NTM: variants seen among roughly 807,000 people sequenced by gnomAD.
The protein encoded by NTM is IgLON family member 2.
Under a neutral mutation model 42.1 loss-of-function variants are expected in NTM, and 13 were observed. The observed-to-expected ratio is 0.31, with a 90% CI of 0.20 to 0.49. NTM has a LOEUF of 0.49. Ranked by LOEUF, NTM falls within the 20% of genes least tolerant of loss-of-function variation. NTM has a pLI of 0.99. For synonymous variants in NTM, 187 were observed against 179.2 expected (o/e 1.04, Z -0.35); for missense variants, 373 against 452.8 (o/e 0.82, Z 1.60).
At chr11:131,384,405 T>C (rs1276186172) in intron 1 of NTM, among the ~76,000 whole-genome samples, 2 of 152,230 alleles carry the variant, frequency 1.3e-5, no homozygotes, top group African/African-American at 4.8e-5. Flanking sequence ...CAAATGTTTC[T>C]AAAGGATCAA....
chr11:131,380,385 A>G (rs949776115), intron 1 of NTM, among the ~76,000 whole-genome samples: 10 of 150,740 alleles, frequency 6.6e-5, no homozygotes, highest in Admixed American at 2.0e-4. Flanking sequence ...TTTTTTTTCT[A>G]TTTTTACTAG....
chr11:132,022,753 G>T (rs1336139676), intron 2 of NTM, among the ~76,000 whole-genome samples: 1 of 152,192 alleles, frequency 6.6e-6, no homozygotes, highest in African/African-American at 2.4e-5. Flanking sequence ...GTAACTGCAT[G>T]GAATCAAGTA....
intron 1 of NTM, chr11:131,661,127 T>C: frequency 1.0e-6 from 1 of 976,378 alleles, no homozygotes; most frequent in Non-Finnish European, 1.4e-6. Context: ...GAGATTCCTT[T>C]CCTCAGGACG....
At position 131,590,845 on chromosome 11, in the gene NTM, T is replaced by C. The variant is rs1345436546; in HGVS notation, c.82+219957T>C. Among the ~76,000 whole-genome samples, 4 of 152,136 alleles carry C rather than the reference T, an allele frequency of 2.6e-5. No homozygotes were observed. In the East Asian group the frequency reaches 7.8e-4, roughly 29 times the overall value. Reference sequence around the variant, plus strand: ...AACCCAGGTCTGGCCCCAAATCCAATGCTCTTAATTACTGAACTTTGCTGT... The same window carrying C: ...AACCCAGGTCTGGCCCCAAATCCAACGCTCTTAATTACTGAACTTTGCTGT... On this transcript the variant is annotated intron_variant, in intron 1 of 8. Transcript: ENST00000683400.
At chr11:132,240,671 A>G (rs898911387) in intron 4 of NTM, among the ~76,000 whole-genome samples, 4 of 152,232 alleles carry the variant, frequency 2.6e-5, no homozygotes, top group African/African-American at 4.8e-5. Flanking sequence ...GGCTTTTTCA[A>G]GCACCCAAAA....
chr11:131,734,553 A>G (rs1186862794), intron 1 of NTM, among the ~76,000 whole-genome samples: 1 of 152,130 alleles, frequency 6.6e-6, no homozygotes, highest in East Asian at 1.9e-4. Flanking sequence ...GAGCCTCATC[A>G]CTGGCAGGAC....
chr11:131,662,625 T>C (rs2068279510), intron 1 of NTM, among the ~76,000 whole-genome samples: 1 of 152,180 alleles, frequency 6.6e-6, no homozygotes, highest in African/African-American at 2.4e-5. Flanking sequence ...TGGATCAAGG[T>C]TGATGGAGTC....
At chr11:131,600,263 G>A (rs2060356595) in intron 1 of NTM, among the ~76,000 whole-genome samples, 1 of 152,138 alleles carries the variant, frequency 6.6e-6, no homozygotes, top group African/African-American at 2.4e-5. Flanking sequence ...TCCTCATGCA[G>A]AAATGTTACG....
chr11:131,422,682 C>T (rs949931148), intron 1 of NTM, among the ~76,000 whole-genome samples: 6 of 152,186 alleles, frequency 3.9e-5, no homozygotes, highest in African/African-American at 1.4e-4. Flanking sequence ...TTTCCCTCTC[C>T]CGCCCTTCCA....
chr11:132,198,529 G>T (rs1371877824), intron 3 of NTM, among the ~76,000 whole-genome samples: 2 of 152,082 alleles, frequency 1.3e-5, no homozygotes, highest in Non-Finnish European at 2.9e-5. Context: ...CGACTAAACT[G>T]TATACTTAAA....
At chr11:131,846,935 T>G (rs2044982208) in intron 1 of NTM, among the ~76,000 whole-genome samples, 1 of 152,156 alleles carries the variant, frequency 6.6e-6, no homozygotes. Flanking sequence ...GCTGGAGCAA[T>G]CAGGAACTGG....
At chr11:131,685,961 T>C (rs145124581) in intron 1 of NTM, among the ~76,000 whole-genome samples, 312 of 152,352 alleles carry the variant, frequency 2.0e-3, no homozygotes, top group African/African-American at 7.1e-3. Flanking sequence ...GGGCTCAGGA[T>C]GCTTACAAAG....
chr11:132,042,740 T>G (rs953377826), intron 2 of NTM, among the ~76,000 whole-genome samples: 1 of 152,216 alleles, frequency 6.6e-6, no homozygotes, highest in Admixed American at 6.5e-5. Flanking sequence ...ACAGACCATA[T>G]AAGGCAGGGT....
intron 3 of NTM, among the ~76,000 whole-genome samples, chr11:132,185,100 G>T (rs1024146861): frequency 6.6e-6 from 1 of 152,148 alleles, no homozygotes; most frequent in East Asian, 1.9e-4. Flanking sequence ...CAGTGCTATA[G>T]AAATAGAACT....
intron 1 of NTM, among the ~76,000 whole-genome samples, chr11:131,803,988 G>A (rs942931530): frequency 5.3e-5 from 8 of 152,108 alleles, no homozygotes; most frequent in African/African-American, 1.4e-4. Context: ...ATCTCATCTT[G>A]CATCTATAAT....
chr11:131,850,884 C>A (rs1156742671), intron 1 of NTM, among the ~76,000 whole-genome samples: 2 of 152,210 alleles, frequency 1.3e-5, no homozygotes, highest in African/African-American at 4.8e-5. Flanking sequence ...CAGGTTATTT[C>A]TCAGATTTCT....
intron 4 of NTM, among the ~76,000 whole-genome samples, chr11:132,283,193 G>T (rs2094070812): frequency 1.3e-5 from 2 of 151,740 alleles, no homozygotes; most frequent in Non-Finnish European, 1.5e-5. Flanking sequence ...CACCATGTTG[G>T]CCAGGATGGT....
At chr11:131,412,214 G>A (rs758557150) in intron 1 of NTM, among the ~76,000 whole-genome samples, 1 of 152,200 alleles carries the variant, frequency 6.6e-6, no homozygotes, top group Non-Finnish European at 1.5e-5. Context: ...AACAGCATTT[G>A]TTTGGGGCTC....
chr11:131,699,995 G>A (rs896050708), intron 1 of NTM, among the ~76,000 whole-genome samples: 2 of 148,936 alleles, frequency 1.3e-5, no homozygotes, highest in African/African-American at 4.9e-5. Context: ...CACTGCTCTT[G>A]AAGATCTCTT....
Sources: gnomAD v4.1 joint callset for allele counts (sites outside exome capture counted in the v4.1 genomes callset) on GRCh38, gnomAD v4.1.1 for gene constraint, MANE v1.5 for transcripts, NCBI Gene and HGNC (gene_info 2026-07-23, HGNC 2026-07-21) for gene names.